Variants in IL21R observed in about 807,000 individuals in gnomAD.
IL21R encodes the protein interleukin-21 receptor.
Under a neutral mutation model 41.3 loss-of-function variants are expected in IL21R, and 14 were observed. That is an observed-to-expected ratio of 0.34 (90% CI 0.22 to 0.53). The LOEUF is 0.53. IL21R is among the 20% of genes least tolerant of loss of function. The pLI is 0.94. For synonymous variants in IL21R, 286 were observed against 287.6 expected, an observed-to-expected ratio of 0.99 and a Z score of 0.05; for missense variants, 588 against 681.6, an observed-to-expected ratio of 0.86 and a Z score of 1.53.
In IL21R at chr16:27,449,455, T is replaced by C; in HGVS notation, c.*172T>C. 1.6e-6 allele frequency: 1 copy of C among 644,616 alleles called. No homozygotes were observed. The highest frequency in any genetic ancestry group is 2.6e-6 in the Non-Finnish European group (1 of 385,596). The allele number at this position is 644,616 out of a possible 1,614,324, so 39.9% of individuals were successfully genotyped here. A position where few individuals can be genotyped will look rare whatever the true frequency, so the allele number is the denominator to read the frequency against. ...GTGTGCATATGTGTGTGTGTGCATA[T>C]GCATGTGTGTGTGTGTGTGTGTCTT... On this transcript the variant is annotated 3_prime_UTR_variant, in exon 9 of 9. Coordinates refer to ENST00000337929, the MANE Select transcript of IL21R (RefSeq NM_181078.3).
At chr16:27,410,196 T>C (rs147984054) in intron 1 of IL21R, among the ~76,000 whole-genome samples, 9,457 of 151,606 alleles carry the variant, frequency 0.062, 369 homozygotes, top group East Asian at 0.19. Context: ...ATTAGCTGAG[T>C]GTGGTGGTGC....
rs1244748043 is a variant in IL21R, at chr16:27,402,969, A to G, written c.-17+351A>G. The stretch of plus-strand genomic sequence containing the variant: ...TTCTGGGCGGCTGAGTCGGGAGGTG[A>G]CGGGCATGGGTGTAGAGCCTGATGG... On this transcript the variant is annotated intron_variant, in intron 1 of 8. Transcript: ENST00000337929. 3 of 357,924 alleles carry G rather than the reference A, an allele frequency of 8.4e-6. No homozygotes were observed. The Admixed American group carries it at 1.2e-4, about 14-fold the overall frequency. 22.2% of individuals were successfully genotyped at this position (357,924 alleles called of 1,614,324 possible).
At chr16:27,417,313 C>T (rs1416421367) in intron 1 of IL21R, among the ~76,000 whole-genome samples, 1 of 151,958 alleles carries the variant, frequency 6.6e-6, no homozygotes, top group African/African-American at 2.4e-5. Context: ...AGGTACATAC[C>T]ACCATGCCCA....
intron 4 of IL21R, among the ~76,000 whole-genome samples, chr16:27,440,281 C>CGAGT (rs1567370061): frequency 9.8e-5 from 7 of 71,742 alleles, no homozygotes; most frequent in Non-Finnish European, 2.1e-4. Flanking sequence ...AGAGAGAGAG[C>CGAGT]GAGCAAGCGC....
At chr16:27,418,644 A>C (rs1021667568) in intron 1 of IL21R, among the ~76,000 whole-genome samples, 3 of 152,182 alleles carry the variant, frequency 2.0e-5, no homozygotes, top group Admixed American at 2.0e-4. Context: ...TGCTGGGATT[A>C]CAGGCATGAG....
intron 4 of IL21R, among the ~76,000 whole-genome samples, chr16:27,441,571 A>G (rs1185510976): frequency 6.6e-6 from 1 of 152,248 alleles, no homozygotes; most frequent in Non-Finnish European, 1.5e-5. Context: ...CCTCACCATT[A>G]GCATTCATGC....
chr16:27,430,552 C>T (rs2141284494), intron 2 of IL21R, among the ~76,000 whole-genome samples: 1 of 152,218 alleles, frequency 6.6e-6, no homozygotes, highest in African/African-American at 2.4e-5. Context: ...TGCGGTGGCT[C>T]CTACTGGAAT....
chr16:27,406,198 G>A (rs758867554), intron 1 of IL21R, among the ~76,000 whole-genome samples: 32 of 152,258 alleles, frequency 2.1e-4, no homozygotes, highest in Non-Finnish European at 3.5e-4. Context: ...GGAGAGAGAC[G>A]GTGGGTGGCC....
At chr16:27,442,896 C>A in intron 4 of IL21R, 66 bp from the exon 5 acceptor site, 1 of 1,462,760 alleles carries the variant, frequency 6.8e-7, no homozygotes, top group Non-Finnish European at 9.3e-7. Flanking sequence ...TTCCTCCCAT[C>A]ACCAAATCCT....
At chr16:27,433,010 T>C (rs932419384) in intron 2 of IL21R, among the ~76,000 whole-genome samples, 4 of 152,198 alleles carry the variant, frequency 2.6e-5, no homozygotes, top group African/African-American at 9.7e-5. Flanking sequence ...TGTTCTCATC[T>C]CTACAATGAA....
In IL21R at chr16:27,432,429, C is replaced by A. The variant is rs546963784; in HGVS notation, c.50-1918C>A. On this transcript the variant is annotated intron_variant, in intron 2 of 8. Coordinates refer to ENST00000337929, the MANE Select transcript of IL21R (RefSeq NM_181078.3). ...CATGGGATGGCCCTGGGGCTCTCTG[C>A]CCTGTGGCTGGGGTACTGACAGGGC... 5.3e-4 allele frequency among the ~76,000 whole-genome samples: 80 copies of A among 152,338 alleles called. 1 individual carries two copies. In the South Asian group the frequency reaches 0.017, roughly 32 times the overall value.
At chr16:27,441,659 T>C (rs1162894706) in intron 4 of IL21R, among the ~76,000 whole-genome samples, 1 of 152,120 alleles carries the variant, frequency 6.6e-6, no homozygotes, top group African/African-American at 2.4e-5. Flanking sequence ...AAATGGAAAA[T>C]GAATGGATTT....
At chr16:27,415,939 C>A (rs899704862) in intron 1 of IL21R, among the ~76,000 whole-genome samples, 1 of 152,246 alleles carries the variant, frequency 6.6e-6, no homozygotes, top group Admixed American at 6.5e-5. Context: ...TAATTGTTAT[C>A]TTTAATTCCA....
intron 4 of IL21R, among the ~76,000 whole-genome samples, chr16:27,439,648 G>A (rs906478287): frequency 2.6e-5 from 4 of 151,098 alleles, no homozygotes; most frequent in African/African-American, 9.7e-5. Context: ...TTACTCACGG[G>A]CACACATGCA....
Position 27,448,716 on chromosome 16 carries a change from C to T in IL21R, c.1050C>T (p.Ser350=), listed in dbSNP as rs755746046. Residue 350 remains serine, a synonymous_variant, in exon 9 of 9, where the codon AGC becomes AGT. Transcript: ENST00000337929. ...AGTCTGACGGTGTGCCCAAGCCCAG[C>T]TTCTGGCCGACAGCCCAGAACTCGG... ...LVESDGVPKP[S]FWPTAQNSGG... 10 of 1,613,236 alleles carry T rather than the reference C, an allele frequency of 6.2e-6. No individual in the cohort carries two copies. Among genetic ancestry groups the T allele is most frequent in the Admixed American group, 1.7e-5 (1 of 60,016 alleles).
intron 1 of IL21R, among the ~76,000 whole-genome samples, chr16:27,420,352 G>A (rs994423493): frequency 2.6e-5 from 4 of 152,198 alleles, no homozygotes. Context: ...CATGCAGTCT[G>A]TCATTGAATG....
At chr16:27,407,469 C>G (rs1390212497) in intron 1 of IL21R, among the ~76,000 whole-genome samples, 1 of 152,094 alleles carries the variant, frequency 6.6e-6, no homozygotes, top group Non-Finnish European at 1.5e-5. Flanking sequence ...GAAAAGCATT[C>G]TAGGCAGAGG....
intron 1 of IL21R, among the ~76,000 whole-genome samples, chr16:27,424,544 G>C (rs1039991480): frequency 2.6e-5 from 4 of 151,478 alleles, no homozygotes; most frequent in African/African-American, 9.8e-5. Flanking sequence ...TGCACCTACA[G>C]GACTTCAAAT....
chr16:27,445,293 A>C lies in IL21R; in HGVS notation c.785+17A>C, dbSNP rs3093373. 2 of 1,564,946 alleles carry C rather than the reference A, an allele frequency of 1.3e-6. No homozygotes were observed. The highest frequency in any genetic ancestry group is 2.7e-5 in the African/African-American group (2 of 73,922). On this transcript the variant is annotated intron_variant, in intron 7 of 8. Transcript: ENST00000337929. ...ATTGTGGAGGTGAGGCCAGGGGATGAGGAAGGCAGGGAGGTGGTCAGCCTG... is the reference window on the plus strand; with the variant it reads ...ATTGTGGAGGTGAGGCCAGGGGATGCGGAAGGCAGGGAGGTGGTCAGCCTG...
Sources: allele counts gnomAD v4.1 joint callset (sites outside exome capture counted in the v4.1 genomes callset), GRCh38; gene constraint gnomAD v4.1.1; transcripts MANE v1.5; gene names NCBI Gene and HGNC (gene_info 2026-07-23, HGNC 2026-07-21).